The following PRKN variants were observed in gnomAD, a reference collection of about 807,000 sequenced individuals.
PRKN encodes E3 ubiquitin-protein ligase parkin.
A neutral mutation model predicts 59.5 loss-of-function variants in PRKN; 56 were observed. That is an observed-to-expected ratio of 0.94 (90% CI 0.76 to 1.18). The LOEUF is 1.18. Among genes scored for constraint, PRKN ranks in the 50% most tolerant of loss-of-function variants. PRKN has a pLI of 0.00. For missense variants in PRKN, 657 were observed against 596.4 expected, an observed-to-expected ratio of 1.10 and a Z score of -1.06; for synonymous variants, 250 against 222.1, an observed-to-expected ratio of 1.13 and a Z score of -1.12.
At chr6:162,654,816 G>A (rs934258619) in intron 1 of PRKN, among the ~76,000 whole-genome samples, 5 of 148,480 alleles carry the variant, frequency 3.4e-5, no homozygotes, top group African/African-American at 1.2e-4. Flanking sequence ...TAAACAAGGC[G>A]GCACAGCAAG....
rs1165416991 is a variant in PRKN, at chr6:162,519,898, C to T, written c.8-76425G>A. The stretch of plus-strand genomic sequence containing the variant: ...AGATTCATTCATGATTCACAAATTG[C>T]ATTCTGTGAATCAATAAAATAATTG... On this transcript the variant is annotated intron_variant, in intron 1 of 11. Coordinates refer to ENST00000366898, the MANE Select transcript of PRKN (RefSeq NM_004562.3). Among the ~76,000 whole-genome samples the T allele has an allele frequency of 2.0e-5, 3 of 152,070 alleles. No individual in the cohort carries two copies. In the East Asian group the frequency reaches 5.8e-4, roughly 29 times the overall value.
intron 7 of PRKN, among the ~76,000 whole-genome samples, 155 bp from the exon 8 acceptor site, chr6:161,569,571 A>T (rs1467799680): frequency 6.6e-6 from 1 of 152,226 alleles, no homozygotes; most frequent in Non-Finnish European, 1.5e-5. Flanking sequence ...CCACAAAAAA[A>T]GCCAAACCCT....
At chr6:162,628,270 A>AT (rs1267478058) in intron 1 of PRKN, among the ~76,000 whole-genome samples, 3 of 152,186 alleles carry the variant, frequency 2.0e-5, no homozygotes, top group Non-Finnish European at 4.4e-5. Context: ...GAACTTAAAC[A>AT]TAACTGTATG....
At chr6:162,371,267 C>T (rs909637217) in intron 2 of PRKN, among the ~76,000 whole-genome samples, 1 of 152,176 alleles carries the variant, frequency 6.6e-6, no homozygotes, top group Non-Finnish European at 1.5e-5. Context: ...CCTCAGGCAA[C>T]AAAGCAGCAC....
intron 7 of PRKN, among the ~76,000 whole-genome samples, chr6:161,751,757 C>T (rs1408276909): frequency 1.3e-5 from 2 of 152,152 alleles, no homozygotes; most frequent in East Asian, 3.9e-4. Context: ...GAATAAGTAT[C>T]GCAAATTATT....
At chr6:162,120,491 C>A (rs1439135983) in intron 4 of PRKN, among the ~76,000 whole-genome samples, 1 of 152,192 alleles carries the variant, frequency 6.6e-6, no homozygotes, top group Non-Finnish European at 1.5e-5. Context: ...GGATTATCAG[C>A]TCTGAACTGC....
chr6:162,631,144 A>G (rs1027875864), intron 1 of PRKN, among the ~76,000 whole-genome samples: 2 of 152,168 alleles, frequency 1.3e-5, no homozygotes, highest in African/African-American at 4.8e-5. Flanking sequence ...TCTACTGTGT[A>G]CAATGTTTCT....
chr6:162,096,409 T>G (rs2128297656), intron 4 of PRKN, among the ~76,000 whole-genome samples: 1 of 152,344 alleles, frequency 6.6e-6, no homozygotes, highest in South Asian at 2.1e-4. Context: ...GATGAAAATT[T>G]GACTCACATT....
Position 161,487,387 on chromosome 6 carries a change from C to T in PRKN, c.1083+61467G>A, listed in dbSNP as rs538820496. ...TCTGTGTGAGCCAAGGCAAGGAAGA[C>T]AGTCTGGGGCCTGTGGGATGGCAAA... On this transcript the variant is annotated intron_variant, in intron 9 of 11. Transcript: ENST00000366898. The surrounding 1 kb of genome is among the most constrained non-coding windows in gnomAD (Gnocchi z 5.3). Among the ~76,000 whole-genome samples, 174 of 152,256 alleles carry T rather than the reference C, an allele frequency of 1.1e-3. 1 individual carries two copies. The highest frequency in any genetic ancestry group is 1.4e-3 in the Non-Finnish European group (98 of 68,024).
intron 2 of PRKN, among the ~76,000 whole-genome samples, chr6:162,338,467 C>A (rs1042049214): frequency 2.0e-5 from 3 of 152,188 alleles, no homozygotes; most frequent in South Asian, 2.1e-4. Context: ...TTGGCCGGGC[C>A]GGTCTCCAGC....
intron 2 of PRKN, among the ~76,000 whole-genome samples, chr6:162,286,795 C>A (rs747225806): frequency 1.3e-5 from 2 of 152,142 alleles, no homozygotes; most frequent in African/African-American, 4.8e-5. Flanking sequence ...CTACATTCTC[C>A]AAACTTTAAT....
At chr6:162,528,068 C>CGGG (rs1292578701) in intron 1 of PRKN, among the ~76,000 whole-genome samples, 1 of 82,914 alleles carries the variant, frequency 1.2e-5, no homozygotes, top group African/African-American at 8.0e-5. Flanking sequence ...CGGGGGAGGG[C>CGGG]GGGGGGGCGG....
chr6:161,563,983 G>A (rs1344241361), intron 8 of PRKN, among the ~76,000 whole-genome samples: 1 of 152,216 alleles, frequency 6.6e-6, no homozygotes, highest in Non-Finnish European at 1.5e-5. Context: ...TCTAAGAGAT[G>A]ATTGAGCTTC....
intron 9 of PRKN, among the ~76,000 whole-genome samples, chr6:161,505,627 T>C (rs1778137120): frequency 6.6e-6 from 1 of 151,692 alleles, no homozygotes. Flanking sequence ...TGGTAATGCT[T>C]AGGTTTTCTT....
intron 6 of PRKN, among the ~76,000 whole-genome samples, chr6:161,815,835 T>C (rs1213908399): frequency 6.6e-6 from 1 of 152,148 alleles, no homozygotes; most frequent in African/African-American, 2.4e-5. Context: ...CAGAGAAGAC[T>C]AGAAAACTGT....
chr6:161,652,378 C>T (rs1017452444), intron 7 of PRKN, among the ~76,000 whole-genome samples: 1 of 151,730 alleles, frequency 6.6e-6, no homozygotes, highest in African/African-American at 2.4e-5. Flanking sequence ...ATTTAAAGCC[C>T]TTGTGGGGAA....
intron 2 of PRKN, among the ~76,000 whole-genome samples, chr6:162,297,917 T>C (rs1273991962): frequency 6.6e-6 from 1 of 152,294 alleles, no homozygotes; most frequent in South Asian, 2.1e-4. Context: ...AGTATGTTCA[T>C]GTCAGTAGTT....
intron 10 of PRKN, among the ~76,000 whole-genome samples, chr6:161,370,857 C>G (rs1345869652): frequency 6.6e-6 from 1 of 152,172 alleles, no homozygotes; most frequent in Non-Finnish European, 1.5e-5. Flanking sequence ...AGGTGAATGA[C>G]AGCTTTTAAA....
intron 1 of PRKN, among the ~76,000 whole-genome samples, chr6:162,696,795 C>T (rs11969840): frequency 0.25 from 37,553 of 151,648 alleles, 5,443 homozygotes; most frequent in African/African-American, 0.38. Flanking sequence ...ATCCATCTAC[C>T]TCGGCCTCCC....
Sources: allele counts gnomAD v4.1 joint callset (sites outside exome capture counted in the v4.1 genomes callset), GRCh38; gene constraint gnomAD v4.1.1; non-coding constraint Gnocchi (gnomAD v3.1); transcripts MANE v1.5; gene names NCBI Gene and HGNC (gene_info 2026-07-23, HGNC 2026-07-21).